Variants in JAZF1 observed in about 807,000 individuals in gnomAD.
JAZF1 encodes the protein JAZF zinc finger 1.
Under a neutral mutation model 26.4 loss-of-function variants are expected in JAZF1, and 8 were observed. The observed-to-expected ratio is 0.30, with a 90% CI of 0.18 to 0.55. The LOEUF (loss-of-function observed/expected upper bound fraction) is 0.55. Ranked by LOEUF, JAZF1 falls within the 20% of genes least tolerant of loss-of-function variation. The probability of loss-of-function intolerance (pLI) is 0.94; values close to 1 mark genes in which losing one functional copy is unlikely to be tolerated. For synonymous variants in JAZF1, 126 were observed against 122.3 expected (o/e 1.03, Z -0.20); for missense variants, 199 against 322.0 (o/e 0.62, Z 2.92).
chr7:27,891,358 T>A (rs1034644417), intron 3 of JAZF1, among the ~76,000 whole-genome samples: 4 of 152,212 alleles, frequency 2.6e-5, no homozygotes, highest in African/African-American at 9.6e-5. Context: ...ACAGAGACCC[T>A]GTGGCCTGCA....
chr7:28,068,175 A>G (rs1783916233), intron 1 of JAZF1, among the ~76,000 whole-genome samples: 1 of 150,946 alleles, frequency 6.6e-6, no homozygotes, highest in Non-Finnish European at 1.5e-5. Flanking sequence ...TCGGCCTCCC[A>G]AAGTGCTGGG....
chr7:27,889,560 AAAG>A (rs1225172978), intron 3 of JAZF1, among the ~76,000 whole-genome samples: 5 of 152,352 alleles, frequency 3.3e-5, no homozygotes, highest in African/African-American at 9.6e-5. Flanking sequence ...GGGAAAAGAA[AAAG>A]AAGAAAATAA....
chr7:27,973,569 G>A (rs1396348067), intron 2 of JAZF1, among the ~76,000 whole-genome samples: 2 of 152,212 alleles, frequency 1.3e-5, no homozygotes, highest in Non-Finnish European at 2.9e-5. Flanking sequence ...AAAGTGCTGG[G>A]ATTACAGGTG....
At chr7:28,144,101 CT>C (rs1420366836) in intron 1 of JAZF1, among the ~76,000 whole-genome samples, 4 of 152,152 alleles carry the variant, frequency 2.6e-5, no homozygotes, top group Non-Finnish European at 5.9e-5. Flanking sequence ...TTACAAATTG[CT>C]TTATAATCAC....
chr7:28,074,056 A>G (rs1317473930), intron 1 of JAZF1, among the ~76,000 whole-genome samples: 1 of 151,714 alleles, frequency 6.6e-6, no homozygotes, highest in Admixed American at 6.6e-5. Context: ...TTATAAAATT[A>G]GCTAACAGTA....
At chr7:27,956,107 T>C (rs1244915842) in intron 2 of JAZF1, among the ~76,000 whole-genome samples, 1 of 152,068 alleles carries the variant, frequency 6.6e-6, no homozygotes, top group Non-Finnish European at 1.5e-5. Flanking sequence ...AGTGACAGAG[T>C]GTCAAGGAAG....
intron 3 of JAZF1, among the ~76,000 whole-genome samples, chr7:27,883,779 C>T (rs558060220): frequency 6.6e-6 from 1 of 152,372 alleles, no homozygotes; most frequent in East Asian, 1.9e-4. Context: ...AACTGTGTCA[C>T]TGGACTGAGA....
chr7:27,908,121 G>A (rs1784294801), intron 2 of JAZF1, among the ~76,000 whole-genome samples: 2 of 152,168 alleles, frequency 1.3e-5, no homozygotes, highest in African/African-American at 4.8e-5. Flanking sequence ...GACAAGAGCT[G>A]TCCCCAAGCT....
chr7:28,131,837 G>A (rs1231272431), intron 1 of JAZF1, among the ~76,000 whole-genome samples: 2 of 152,066 alleles, frequency 1.3e-5, no homozygotes, highest in African/African-American at 4.8e-5. Context: ...CTTCTGCTAT[G>A]GGAAAATTGA....
chr7:28,024,935 CAT>C (rs1331945484), intron 1 of JAZF1, among the ~76,000 whole-genome samples: 3 of 152,202 alleles, frequency 2.0e-5, no homozygotes, highest in African/African-American at 7.2e-5. Flanking sequence ...CCAGCAGAAT[CAT>C]AGACTGAGGT....
intron 3 of JAZF1, among the ~76,000 whole-genome samples, chr7:27,886,400 C>A (rs1783864945): frequency 6.6e-6 from 1 of 152,204 alleles, no homozygotes; most frequent in Non-Finnish European, 1.5e-5. Flanking sequence ...ACATCCAGGT[C>A]TGCTCACTAA....
rs142020917 is a variant in JAZF1 at position 28,158,149 on chromosome 7, GCA to G, written c.115+22312_115+22313del. 2.1e-3 allele frequency among the ~76,000 whole-genome samples: 273 copies of G among 131,856 alleles called. 1 individual carries two copies. The highest frequency in any genetic ancestry group is 7.2e-3 in the African/African-American group (248 of 34,574). 86.5% of individuals were successfully genotyped at this position (131,856 alleles called of 152,430 possible). ...AGGAGACCACATTGAAAACACGCGC[GCA>G]CACACACACACACACAAACACACAC... is the stretch of plus-strand genomic sequence containing the variant. On this transcript the variant is annotated intron_variant, in intron 1 of 4. Coordinates refer to ENST00000283928, the MANE Select transcript of JAZF1 (RefSeq NM_175061.4).
chr7:28,031,347 C>T (rs190973935), intron 1 of JAZF1, among the ~76,000 whole-genome samples: 1 of 152,282 alleles, frequency 6.6e-6, no homozygotes, highest in East Asian at 1.9e-4. Context: ...ATAGAACAAA[C>T]ACCGGCATGG....
intron 2 of JAZF1, among the ~76,000 whole-genome samples, chr7:27,961,157 A>G (rs979955769): frequency 2.6e-5 from 4 of 152,240 alleles, no homozygotes; most frequent in Admixed American, 2.0e-4. Context: ...TTTAGTACTT[A>G]TAACAGTCGT....
At chr7:27,957,218 G>T (rs1785111824) in intron 2 of JAZF1, among the ~76,000 whole-genome samples, 1 of 152,122 alleles carries the variant, frequency 6.6e-6, no homozygotes, top group Non-Finnish European at 1.5e-5. Context: ...GACATCAGTT[G>T]GCCACATTTA....
intron 1 of JAZF1, among the ~76,000 whole-genome samples, chr7:28,142,788 C>T (rs1782977132): frequency 6.6e-6 from 1 of 152,176 alleles, no homozygotes; most frequent in African/African-American, 2.4e-5. Flanking sequence ...GCATGAGATG[C>T]AGGGTATGGC....
At chr7:28,125,496 T>C (rs1419427022) in intron 1 of JAZF1, among the ~76,000 whole-genome samples, 1 of 152,226 alleles carries the variant, frequency 6.6e-6, no homozygotes, top group East Asian at 1.9e-4. Context: ...GGGGCTAAAA[T>C]TACTTAACAT....
chr7:28,036,003 A>G (rs1288456531), intron 1 of JAZF1, among the ~76,000 whole-genome samples: 4 of 152,234 alleles, frequency 2.6e-5, no homozygotes, highest in Admixed American at 2.6e-4. Flanking sequence ...TAACAATGTA[A>G]CATACATAAA....
chr7:27,890,617 T>A (rs1235632328), intron 3 of JAZF1, among the ~76,000 whole-genome samples: 1 of 152,184 alleles, frequency 6.6e-6, no homozygotes, highest in African/African-American at 2.4e-5. Flanking sequence ...TTAACCTTAG[T>A]AAGCCTCTAT....
Sources: allele counts gnomAD v4.1 joint callset (sites outside exome capture counted in the v4.1 genomes callset), GRCh38; gene constraint gnomAD v4.1.1; transcripts MANE v1.5; gene names NCBI Gene and HGNC (gene_info 2026-07-23, HGNC 2026-07-21).